Variants in STAM2 observed in about 807,000 individuals in gnomAD.
STAM2 encodes signal transducing adaptor molecule 2, also known as signal transducing adapter molecule 2.
A neutral mutation model predicts 65.6 loss-of-function variants in STAM2; 51 were observed. The ratio of observed to expected loss-of-function variants is 0.78; its 90% CI spans 0.62 to 0.98. The LOEUF (loss-of-function observed/expected upper bound fraction) is 0.98, where lower values mean the gene tolerates loss of function less well. Among genes scored for constraint, STAM2 ranks in the 50% least tolerant of loss-of-function variants. The probability of loss-of-function intolerance (pLI) is 0.00; values close to 1 mark genes in which losing one functional copy is unlikely to be tolerated. For missense variants in STAM2, 584 were observed against 617.8 expected, an observed-to-expected ratio of 0.95 and a Z score of 0.58; for synonymous variants, 198 against 208.4, an observed-to-expected ratio of 0.95 and a Z score of 0.43.
intron 7 of STAM2, among the ~76,000 whole-genome samples, chr2:152,137,246 C>T (rs1000726999): frequency 6.6e-6 from 1 of 152,088 alleles, no homozygotes; most frequent in Admixed American, 6.6e-5. Flanking sequence ...TGTGAAAATT[C>T]ACCTTTCTCC....
chr2:152,174,423 CAT>C (rs1689970822), intron 1 of STAM2, among the ~76,000 whole-genome samples: 2 of 152,014 alleles, frequency 1.3e-5, no homozygotes, highest in African/African-American at 4.8e-5. Flanking sequence ...CACCTGTATT[CAT>C]CCACCAAAAA....
At chr2:152,148,715 A>G (rs80278579) in intron 2 of STAM2, among the ~76,000 whole-genome samples, 79 of 152,160 alleles carry the variant, frequency 5.2e-4, no homozygotes, top group Admixed American at 2.0e-3. Context: ...GAAATTTCAT[A>G]TTGTTAAAGG....
At chr2:152,166,343 C>T (rs966782029) in intron 1 of STAM2, among the ~76,000 whole-genome samples, 4 of 151,438 alleles carry the variant, frequency 2.6e-5, no homozygotes, top group African/African-American at 9.7e-5. Context: ...GATTCAGAGA[C>T]AAAAAACAAC....
chr2:152,129,937 A>C (rs1689028219), intron 11 of STAM2, among the ~76,000 whole-genome samples: 1 of 152,240 alleles, frequency 6.6e-6, no homozygotes. Flanking sequence ...CAAAGACGAC[A>C]ATCTCTGGTG....
At chr2:152,144,618 A>C in intron 6 of STAM2, 1 of 296,134 alleles carries the variant, frequency 3.4e-6, no homozygotes. Flanking sequence ...GGCTCACTGC[A>C]ACCTCCGCCT....
intron 2 of STAM2, among the ~76,000 whole-genome samples, chr2:152,149,547 G>A (rs1274562068): frequency 2.7e-5 from 4 of 149,384 alleles, no homozygotes; most frequent in Non-Finnish European, 5.9e-5. Context: ...GTCCAGGCTG[G>A]AGTGCAGTGG....
At chr2:152,158,833 A>T (rs1689602935) in intron 1 of STAM2, among the ~76,000 whole-genome samples, 1 of 151,928 alleles carries the variant, frequency 6.6e-6, no homozygotes, top group Admixed American at 6.6e-5. Context: ...CACCCCTGTA[A>T]GCCCTTTTTA....
intron 1 of STAM2, among the ~76,000 whole-genome samples, chr2:152,163,429 C>T (rs1190793693): frequency 6.6e-6 from 1 of 152,100 alleles, no homozygotes; most frequent in East Asian, 1.9e-4. Context: ...CAACTCAAGA[C>T]CCTGTGATGA....
At chr2:152,139,848 A>C (rs560472881) in intron 7 of STAM2, among the ~76,000 whole-genome samples, 1 of 152,174 alleles carries the variant, frequency 6.6e-6, no homozygotes, top group Admixed American at 6.5e-5. Context: ...AGAACAACAA[A>C]AAAAATTTTT....
chr2:152,122,210 G>C (rs573187037), intron 13 of STAM2, among the ~76,000 whole-genome samples: 1 of 151,948 alleles, frequency 6.6e-6, no homozygotes, highest in South Asian at 2.1e-4. Flanking sequence ...AGGATTGCTT[G>C]AGGTCAGCCT....
At chr2:152,163,498 G>A (rs1689722279) in intron 1 of STAM2, among the ~76,000 whole-genome samples, 1 of 151,842 alleles carries the variant, frequency 6.6e-6, no homozygotes, top group South Asian at 2.1e-4. Flanking sequence ...AAATCTGATT[G>A]TAAAACACGT....
intron 13 of STAM2, among the ~76,000 whole-genome samples, chr2:152,122,836 C>T (rs1579309035): frequency 6.6e-6 from 1 of 152,018 alleles, no homozygotes; most frequent in Admixed American, 6.6e-5. Context: ...GCAGCCACAG[C>T]AGGCAGATCC....
intron 1 of STAM2, among the ~76,000 whole-genome samples, chr2:152,169,152 C>G (rs536334304): frequency 1.3e-5 from 2 of 152,176 alleles, no homozygotes; most frequent in South Asian, 2.1e-4. Context: ...TAAAAGACAG[C>G]AGAAACAAAC....
At chr2:152,163,768 G>C (rs1393897769) in intron 1 of STAM2, among the ~76,000 whole-genome samples, 1 of 152,136 alleles carries the variant, frequency 6.6e-6, no homozygotes, top group Non-Finnish European at 1.5e-5. Flanking sequence ...ATAAACGGCC[G>C]CTCTGGGAGT....
intron 1 of STAM2, among the ~76,000 whole-genome samples, chr2:152,167,687 G>A (rs1313597793): frequency 6.6e-6 from 1 of 152,066 alleles, no homozygotes; most frequent in Non-Finnish European, 1.5e-5. Flanking sequence ...TTGAGGTCAG[G>A]AGTCCAAGAC....
In STAM2 at chr2:152,175,713, C is replaced by G. The variant is rs1459528401; in HGVS notation, c.-71G>C. ...AGCAACTGCTACCCGCCGGGTGACC[C>G]GCGGCCGCGGCTCCCTAGACCGCTC... On this transcript the variant is annotated 5_prime_UTR_variant, in exon 1 of 14. Transcript: ENST00000263904. 12 of 1,524,636 alleles carry G rather than the reference C, an allele frequency of 7.9e-6. No homozygotes were observed. The highest frequency in any genetic ancestry group is 1.1e-5 in the Non-Finnish European group (12 of 1,122,624). The allele number at this position is 1,524,636 out of a possible 1,614,324, so 94.4% of individuals were successfully genotyped here.
intron 7 of STAM2, among the ~76,000 whole-genome samples, chr2:152,138,488 C>T (rs895315797): frequency 6.6e-6 from 1 of 152,040 alleles, no homozygotes; most frequent in East Asian, 1.9e-4. Context: ...GTTTATCCAT[C>T]GGACTCTTGA....
chr2:152,143,755 A>C, intron 7 of STAM2, 72 bp downstream of exon 7: 1 of 1,235,502 alleles, frequency 8.1e-7, no homozygotes, highest in South Asian at 1.6e-5. Context: ...TAAAAGTCAA[A>C]GAACTGAATA....
At chr2:152,160,258 G>C in intron 1 of STAM2, among the ~76,000 whole-genome samples, 1 of 150,226 alleles carries the variant, frequency 6.7e-6, no homozygotes, top group Non-Finnish European at 1.5e-5. Context: ...GTCTCTGCCC[G>C]GCCGCCATCC....
Sources: allele counts gnomAD v4.1 joint callset (sites outside exome capture counted in the v4.1 genomes callset), GRCh38; gene constraint gnomAD v4.1.1; transcripts MANE v1.5; gene names NCBI Gene and HGNC (gene_info 2026-07-23, HGNC 2026-07-21).